The following EFCAB8 variants were observed in gnomAD, a reference collection of about 807,000 sequenced individuals.
The protein encoded by EFCAB8 is EF-hand calcium-binding domain-containing protein 8.
EFCAB8 carries 100 observed loss-of-function variants against 116.3 expected under a neutral mutation model. The observed-to-expected ratio is 0.86, with a 90% CI of 0.73 to 1.02. The LOEUF (loss-of-function observed/expected upper bound fraction) is 1.02, where lower values mean the gene tolerates loss of function less well. Ranked by LOEUF, EFCAB8 falls within the 50% of genes least tolerant of loss-of-function variation. EFCAB8 has a pLI of 0.00. For missense variants in EFCAB8, 1,320 were observed against 1,416.9 expected (o/e 0.93, Z 1.10); for synonymous variants, 558 against 567.9 (o/e 0.98, Z 0.25).
At chr20:32,894,295 T>C (rs6058943) in intron 9 of EFCAB8, among the ~76,000 whole-genome samples, 91,937 of 152,116 alleles carry the variant, frequency 0.6, 28,964 homozygotes, top group Middle Eastern at 0.78. Flanking sequence ...CTGGCAGGCT[T>C]GTTGGGGCAG....
Position 32,906,830 on chromosome 20 carries a change from G to T in EFCAB8, c.1157-13G>T. On this transcript the variant is annotated splice_polypyrimidine_tract_variant and intron_variant, in intron 12 of 26. Coordinates refer to ENST00000400522, the MANE Select transcript of EFCAB8 (RefSeq NM_001143967.2). ...GGAGGCCCCTGGGACTGACACCCAC[G>T]TCTTGACCACAGTGACTGGTGGCTA... The T allele has an allele frequency of 7.5e-7, 1 of 1,338,824 alleles. No individual in the cohort carries two copies. The highest frequency in any genetic ancestry group is 1.3e-5 in the South Asian group (1 of 79,814). 82.9% of individuals were successfully genotyped at this position (1,338,824 alleles called of 1,614,324 possible).
At chr20:32,953,442 C>T (rs1988860235) in intron 23 of EFCAB8, among the ~76,000 whole-genome samples, 1 of 152,186 alleles carries the variant, frequency 6.6e-6, no homozygotes. Flanking sequence ...ATAATCCCAC[C>T]AAACATGCAC....
At position 32,909,221 on chromosome 20, in the gene EFCAB8, G is replaced by C. The variant is rs112334386; in HGVS notation, c.1447-600G>C. On this transcript the variant is annotated intron_variant, in intron 14 of 26. Coordinates refer to ENST00000400522, the MANE Select transcript of EFCAB8 (RefSeq NM_001143967.2). ...AGACAGCAGTTTTCTTGAGAAGGTA[G>C]TGGGTTCCTTTATCTCCTTGCTGAG... Among the ~76,000 whole-genome samples the C allele has an allele frequency of 4.7e-3, 716 of 152,350 alleles. 9 individuals are homozygous for C. Among genetic ancestry groups the C allele is most frequent in the African/African-American group, 0.016 (674 of 41,582 alleles).
At chr20:32,867,770 G>C in intron 3 of EFCAB8, 23 bp downstream of exon 3, 7 of 1,547,486 alleles carry the variant, frequency 4.5e-6, no homozygotes, top group Non-Finnish European at 6.1e-6. Context: ...TGTAGGCTCG[G>C]TTTTTGTGTG....
At position 32,878,770 on chromosome 20, in the gene EFCAB8, C is replaced by T. The variant is rs756053767; in HGVS notation, c.394C>T (p.Arg132Cys). 1.9e-5 allele frequency: 29 copies of T among 1,552,020 alleles called. No homozygotes were observed. The highest frequency in any genetic ancestry group is 2.4e-5 in the Non-Finnish European group (27 of 1,147,092). The change falls in exon 5 of 27, where the codon CGC becomes TGC. Residue 132 changes from arginine to cysteine, a missense_variant. By Grantham distance (180) the Arg-to-Cys change is radical. Transcript: ENST00000400522. Reference protein sequence around the residue: ...GKEDMRKSQYRLHFYLPMTVV... With the variant: ...GKEDMRKSQYCLHFYLPMTVV... ...AGAGGACATGCGAAAGAGCCAGTAC[C>T]GCCTGCACTTCTACCTTCCCATGAC...
At position 32,911,535 on chromosome 20, in the gene EFCAB8, G is replaced by A. The variant is rs1302236287; in HGVS notation, c.1613G>A (p.Arg538Lys). The A allele has an allele frequency of 4.6e-5, 70 of 1,523,260 alleles. No individual in the cohort carries two copies. Among genetic ancestry groups the A allele is most frequent in the Non-Finnish European group, 6.0e-5 (68 of 1,130,150 alleles). 94.4% of individuals were successfully genotyped at this position (1,523,260 alleles called of 1,614,324 possible). A position where few individuals can be genotyped will look rare whatever the true frequency, so the allele number is the denominator to read the frequency against. The stretch of plus-strand genomic sequence containing the variant: ...AGTGTGTGGGAGGTCGTGACGGGCA[G>A]GAAGACGATGGAGTTTGCTGTGTCT... Reference protein sequence around the residue: ...TVSVWEVVTGRKTMEFAVSGG... With the variant: ...TVSVWEVVTGKKTMEFAVSGG... Residue 538 changes from arginine to lysine, a missense_variant, in exon 16 of 27, where the codon AGG becomes AAG. Transcript: ENST00000400522.
At chr20:32,882,427 G>A (rs1278762241) in intron 5 of EFCAB8, among the ~76,000 whole-genome samples, 1 of 152,214 alleles carries the variant, frequency 6.6e-6, no homozygotes, top group East Asian at 1.9e-4. Context: ...ATCAGTCCTG[G>A]GGTAAAGAGG....
chr20:32,879,080 G>A (rs571509005), intron 5 of EFCAB8, among the ~76,000 whole-genome samples: 6 of 152,320 alleles, frequency 3.9e-5, no homozygotes, highest in South Asian at 2.1e-4. Context: ...AGAAAGTGGC[G>A]GGCTGCTGTG....
At chr20:32,878,539 C>G (rs1985119666) in intron 4 of EFCAB8, among the ~76,000 whole-genome samples, 165 bp from the exon 5 acceptor site, 1 of 131,282 alleles carries the variant, frequency 7.6e-6, no homozygotes, top group Non-Finnish European at 1.6e-5. Context: ...GAGACGGAGT[C>G]TCGCTCTGTC....
Position 32,956,456 on chromosome 20 carries a change from TAATTTTCAGATCA to T in EFCAB8, c.2960-1957_2960-1945del, listed in dbSNP as rs528071112. Among the ~76,000 whole-genome samples the T allele has an allele frequency of 9.5e-4, 145 of 152,288 alleles. 2 individuals carry two copies. The East Asian group carries it at 0.026, about 28-fold the overall frequency. On this transcript the variant is annotated intron_variant, in intron 23 of 26. Transcript: ENST00000400522. The stretch of plus-strand genomic sequence containing the variant: ...TGCCACTAATAAATTCTCAGATTAA[TAATTTTCAGATCA>T]AATTTTCTGATCAAATTTTCAGATC...
intron 22 of EFCAB8, among the ~76,000 whole-genome samples, chr20:32,935,944 G>A (rs998802814): frequency 1.2e-4 from 19 of 152,042 alleles, no homozygotes; most frequent in African/African-American, 4.1e-4. Context: ...TCTTTACTTT[G>A]TTCATTGTTT....
At chr20:32,912,459 G>T (rs1022976300) in intron 16 of EFCAB8, among the ~76,000 whole-genome samples, 2 of 147,652 alleles carry the variant, frequency 1.4e-5, no homozygotes, top group African/African-American at 2.5e-5. Flanking sequence ...GAAGAAGAAA[G>T]AAAGTGTACT....
chr20:32,955,288 A>G (rs1988929631), intron 23 of EFCAB8, among the ~76,000 whole-genome samples: 1 of 152,188 alleles, frequency 6.6e-6, no homozygotes, highest in Admixed American at 6.5e-5. Flanking sequence ...GCCTGTAATC[A>G]CAGCACTTTG....
chr20:32,860,153 C>T lies in EFCAB8; in HGVS notation c.-11+1147C>T, dbSNP rs369915968. Reference sequence around the variant, plus strand: ...AGAAATCCTGTTTCTACTAAAAATACGAAAGTTAGCTGGGCATGGTGGCGT... The same window carrying T: ...AGAAATCCTGTTTCTACTAAAAATATGAAAGTTAGCTGGGCATGGTGGCGT... On this transcript the variant is annotated intron_variant, in intron 1 of 26. Coordinates refer to ENST00000400522, the MANE Select transcript of EFCAB8 (RefSeq NM_001143967.2). Among the ~76,000 whole-genome samples, 84 of 152,232 alleles carry T rather than the reference C, an allele frequency of 5.5e-4. 1 individual carries two copies. The South Asian group carries it at 0.016, about 29-fold the overall frequency.
chr20:32,875,390 T>C (rs1345293677), intron 3 of EFCAB8, among the ~76,000 whole-genome samples: 1 of 152,016 alleles, frequency 6.6e-6, no homozygotes, highest in African/African-American at 2.4e-5. Flanking sequence ...AAGGGCCCCG[T>C]CTTTGGCTGG....
At chr20:32,906,512 T>A (rs1986679106) in intron 11 of EFCAB8, 50 bp from the exon 12 acceptor site, 1 of 717,582 alleles carries the variant, frequency 1.4e-6, no homozygotes, top group African/African-American at 1.7e-5. Flanking sequence ...AGACGCTCTC[T>A]TGGGGCCACT....
intron 20 of EFCAB8, among the ~76,000 whole-genome samples, chr20:32,926,432 C>CTTT (rs781520881): frequency 2.0e-5 from 2 of 99,878 alleles, no homozygotes; most frequent in Non-Finnish European, 4.4e-5. Context: ...TAGCTGTTTG[C>CTTT]TTTTTTTTTT....
At chr20:32,907,915 C>T (rs1986753283) in intron 13 of EFCAB8, among the ~76,000 whole-genome samples, 2 of 152,202 alleles carry the variant, frequency 1.3e-5, no homozygotes, top group Non-Finnish European at 2.9e-5. Context: ...GTAGCCACTA[C>T]CGGACTGTGT....
At chr20:32,876,689 G>A (rs1396187165) in intron 4 of EFCAB8, among the ~76,000 whole-genome samples, 8 of 152,042 alleles carry the variant, frequency 5.3e-5, no homozygotes, top group Admixed American at 2.6e-4. Flanking sequence ...TATTTCGGCC[G>A]GGCACAGTGG....
Sources: allele counts gnomAD v4.1 joint callset (sites outside exome capture counted in the v4.1 genomes callset), GRCh38; gene constraint gnomAD v4.1.1; transcripts MANE v1.5; gene names NCBI Gene and HGNC (gene_info 2026-07-23, HGNC 2026-07-21).